EYS: variants seen among roughly 807,000 people sequenced by gnomAD.
EYS encodes protein eyes shut homolog.
A neutral mutation model predicts 282.1 loss-of-function variants in EYS; 250 were observed. That is an observed-to-expected ratio of 0.89 (90% CI 0.80 to 0.98). EYS has a LOEUF of 0.98. Among genes scored for constraint, EYS ranks in the 50% least tolerant of loss-of-function variants. EYS has a pLI of 0.00. For synonymous variants in EYS, 1,355 were observed against 1,282.9 expected, an observed-to-expected ratio of 1.06 and a Z score of -1.20; for missense variants, 4,016 against 3,709.0, an observed-to-expected ratio of 1.08 and a Z score of -2.15.
At chr6:64,483,753 A>G (rs1438234269) in intron 26 of EYS, among the ~76,000 whole-genome samples, 1 of 151,610 alleles carries the variant, frequency 6.6e-6, no homozygotes, top group East Asian at 1.9e-4. Context: ...AGCTTCATTA[A>G]TAATAAAGGT....
intron 30 of EYS, among the ~76,000 whole-genome samples, chr6:64,302,456 C>T (rs560316662): frequency 1.3e-5 from 2 of 152,300 alleles, no homozygotes; most frequent in South Asian, 4.1e-4. Context: ...AATTAGTGCA[C>T]ATGCTCTTCC....
At chr6:64,717,267 G>T (rs1771428658) in intron 22 of EYS, among the ~76,000 whole-genome samples, 2 of 152,178 alleles carry the variant, frequency 1.3e-5, no homozygotes, top group South Asian at 4.1e-4. Context: ...TTTGATATGA[G>T]TCTGCAAGCA....
chr6:64,156,199 GT>G (rs1037340855), intron 31 of EYS, among the ~76,000 whole-genome samples: 67 of 152,032 alleles, frequency 4.4e-4, no homozygotes, highest in African/African-American at 1.5e-3. Flanking sequence ...CATGGGGGTG[GT>G]TTCCCCCATA....
At chr6:65,615,147 A>C (rs1381064659) in intron 2 of EYS, among the ~76,000 whole-genome samples, 1 of 152,180 alleles carries the variant, frequency 6.6e-6, no homozygotes, top group Non-Finnish European at 1.5e-5. Context: ...AATTCGAATA[A>C]TTATTTTAAA....
chr6:63,745,128 C>A (rs184035487), intron 41 of EYS: 80 of 331,974 alleles, frequency 2.4e-4, no homozygotes, highest in Middle Eastern at 2.0e-3. Context: ...AGCATATTTG[C>A]CAAATCTGCT....
At chr6:64,783,941 T>C (rs1773938807) in intron 22 of EYS, among the ~76,000 whole-genome samples, 1 of 152,116 alleles carries the variant, frequency 6.6e-6, no homozygotes. Flanking sequence ...TGAGATAAAT[T>C]TAACAAAAAT....
intron 14 of EYS, among the ~76,000 whole-genome samples, chr6:64,977,103 G>C (rs1285176939): frequency 7.9e-5 from 12 of 151,846 alleles, no homozygotes; most frequent in Admixed American, 6.6e-5. Flanking sequence ...ATGTTGGCTA[G>C]GCTGGTCTTG....
At position 64,830,905 on chromosome 6, in the gene EYS, T is replaced by A. The variant is rs894471988; in HGVS notation, c.2993-8083A>T. 7.2e-5 allele frequency among the ~76,000 whole-genome samples: 11 copies of A among 151,940 alleles called. No individual in the cohort carries two copies. The South Asian group carries it at 8.3e-4, about 11-fold the overall frequency. On this transcript the variant is annotated intron_variant, in intron 19 of 42. Transcript: ENST00000503581. ...GCAATTCTTCCCCAGGAATTGAATTTTGCTTGGCCAAAGGGGTCTGCCTTG... is the reference window on the plus strand; with the variant it reads ...GCAATTCTTCCCCAGGAATTGAATTATGCTTGGCCAAAGGGGTCTGCCTTG...
chr6:64,354,339 G>A (rs944515094), intron 29 of EYS, among the ~76,000 whole-genome samples: 5 of 151,420 alleles, frequency 3.3e-5, no homozygotes, highest in Admixed American at 6.6e-5. Flanking sequence ...TCCCACAAGC[G>A]CCATCACCAC....
chr6:64,296,588 ATATATATATATTTTT>A (rs1769026781), intron 30 of EYS, among the ~76,000 whole-genome samples: 2 of 3,526 alleles, frequency 5.7e-4, no homozygotes, highest in African/African-American at 2.2e-3. Context: ...ATATATACAT[ATATATATATATTTTT>A]TTTTTTTTTT....
intron 12 of EYS, among the ~76,000 whole-genome samples, chr6:65,143,558 C>T (rs932606953): frequency 6.6e-6 from 1 of 151,900 alleles, no homozygotes; most frequent in African/African-American, 2.4e-5. Context: ...AAACATTTAG[C>T]ACAATGGAAT....
chr6:64,253,290 T>G (rs1456058160), intron 30 of EYS, among the ~76,000 whole-genome samples: 1 of 152,154 alleles, frequency 6.6e-6, no homozygotes, highest in African/African-American at 2.4e-5. Context: ...CTTCTAAGCC[T>G]TTAATTGCAC....
chr6:64,570,660 C>T (rs191092495), intron 26 of EYS, among the ~76,000 whole-genome samples: 43 of 152,062 alleles, frequency 2.8e-4, no homozygotes, highest in Admixed American at 5.9e-4. Flanking sequence ...AGACTTTAAA[C>T]CAACAAAGAT....
chr6:63,905,522 G>T (rs549423853), intron 35 of EYS, among the ~76,000 whole-genome samples: 1 of 151,796 alleles, frequency 6.6e-6, no homozygotes, highest in Admixed American at 6.6e-5. Flanking sequence ...AGTAGAGATG[G>T]GGTTTCACCA....
chr6:63,773,145 A>C (rs1769978295), intron 40 of EYS, among the ~76,000 whole-genome samples: 1 of 152,204 alleles, frequency 6.6e-6, no homozygotes, highest in Non-Finnish European at 1.5e-5. Context: ...TTGTTTTAAC[A>C]AATAGAGAAA....
At chr6:65,335,196 C>T in intron 10 of EYS, 50 bp from the exon 11 acceptor site, 2 of 1,245,648 alleles carry the variant, frequency 1.6e-6, no homozygotes, top group African/African-American at 1.5e-5. Context: ...TCACTTACTA[C>T]AATATTACAA....
At chr6:64,055,772 A>G (rs1363651872) in intron 33 of EYS, among the ~76,000 whole-genome samples, 1 of 152,204 alleles carries the variant, frequency 6.6e-6, no homozygotes, top group Non-Finnish European at 1.5e-5. Flanking sequence ...CGTAAGAAAC[A>G]GTAGAACACA....
intron 11 of EYS, among the ~76,000 whole-genome samples, chr6:65,327,254 T>C (rs1388938889): frequency 1.3e-5 from 2 of 151,664 alleles, no homozygotes; most frequent in East Asian, 3.9e-4. Flanking sequence ...CGGTTGTGTG[T>C]TTTTGATCCT....
intron 30 of EYS, among the ~76,000 whole-genome samples, chr6:64,278,333 T>C (rs1768184104): frequency 6.6e-6 from 1 of 152,164 alleles, no homozygotes; most frequent in South Asian, 2.1e-4. Flanking sequence ...ATAATATGTT[T>C]TCTAATCACA....
Sources: gnomAD v4.1 joint callset for allele counts (sites outside exome capture counted in the v4.1 genomes callset) on GRCh38, gnomAD v4.1.1 for gene constraint, MANE v1.5 for transcripts, NCBI Gene and HGNC (gene_info 2026-07-23, HGNC 2026-07-21) for gene names.